KLRG1: variants seen among roughly 807,000 people sequenced by gnomAD.
KLRG1 encodes killer cell lectin-like receptor subfamily G member 1.
KLRG1 carries 16 observed loss-of-function variants against 21.8 expected under a neutral mutation model. The ratio of observed to expected loss-of-function variants is 0.73; its 90% CI spans 0.50 to 1.11. The LOEUF is 1.11. Among genes scored for constraint, KLRG1 ranks in the 50% most tolerant of loss-of-function variants. The probability of loss-of-function intolerance (pLI) is 0.00; values close to 1 mark genes in which losing one functional copy is unlikely to be tolerated. For synonymous variants in KLRG1, 69 were observed against 75.9 expected (o/e 0.91, Z 0.47); for missense variants, 173 against 218.3 (o/e 0.79, Z 1.31).
chr12:9,189,586 G>T, the KLRG1 span, among the ~76,000 whole-genome samples: 1 of 152,146 alleles, frequency 6.6e-6, no homozygotes, highest in Non-Finnish European at 1.5e-5. Flanking sequence ...GAACTGCAAA[G>T]ATTTCATGAA....
chr12:9,080,784 T>C, the KLRG1 span, among the ~76,000 whole-genome samples: 1 of 152,186 alleles, frequency 6.6e-6, no homozygotes, highest in Non-Finnish European at 1.5e-5. Context: ...TTAATCTTGG[T>C]AAATTATATG....
At chr12:9,065,870 T>A in the KLRG1 span, 2 of 152,260 alleles carry the variant, frequency 1.3e-5, no homozygotes, top group Non-Finnish European at 2.9e-5. Context: ...ATGGATGACC[T>A]ACCTGTGGAG....
the KLRG1 span, among the ~76,000 whole-genome samples, chr12:9,132,484 TC>T: frequency 6.6e-6 from 1 of 152,214 alleles, no homozygotes; most frequent in Admixed American, 6.5e-5. Context: ...GAATCTGGTT[TC>T]CATTCTGCAG....
the KLRG1 span, chr12:9,168,767 G>C: frequency 1.2e-6 from 1 of 829,020 alleles, no homozygotes; most frequent in African/African-American, 1.7e-5. Flanking sequence ...GTTTCTTTGT[G>C]TGTATAAAGT....
At chr12:9,191,581 G>C in the KLRG1 span, among the ~76,000 whole-genome samples, 2 of 152,074 alleles carry the variant, frequency 1.3e-5, no homozygotes, top group African/African-American at 4.8e-5. Flanking sequence ...AATCCTAATG[G>C]TTATTAAGTT....
At chr12:9,157,988 C>T in the KLRG1 span, 1 of 746,520 alleles carries the variant, frequency 1.3e-6, no homozygotes, top group South Asian at 1.7e-5. Flanking sequence ...GGTTCTTGCT[C>T]TGTAGCTCAG....
the KLRG1 span, chr12:9,208,237 A>C: frequency 3.8e-6 from 6 of 1,592,200 alleles, no homozygotes; most frequent in Non-Finnish European, 5.2e-6. Context: ...CTCTGGAGGA[A>C]GGGGTCTTGA....
chr12:9,065,151 T>TCCCCCCCCCCCCCCCCCCCCCCC, the KLRG1 span: 1 of 52,630 alleles, frequency 1.9e-5, no homozygotes, highest in African/African-American at 9.0e-5. Flanking sequence ...ATTCCCTTCC[T>TCCCCCCCCCCCCCCCCCCCCCCC]CCCCCCCCCC....
chr12:9,172,472 C>A, the KLRG1 span, among the ~76,000 whole-genome samples: 11 of 152,262 alleles, frequency 7.2e-5, no homozygotes, highest in South Asian at 6.2e-4. Flanking sequence ...GGATCTAATT[C>A]ACCCATAAAA....
chr12:9,159,836 T>C, the KLRG1 span: 1 of 1,007,166 alleles, frequency 9.9e-7, no homozygotes, highest in Non-Finnish European at 1.5e-6. Context: ...TTACCTAGTT[T>C]CAGGTATTCT....
At chr12:9,082,209 G>A in the KLRG1 span, among the ~76,000 whole-genome samples, 1 of 152,172 alleles carries the variant, frequency 6.6e-6, no homozygotes, top group African/African-American at 2.4e-5. Flanking sequence ...CATCTAAGAA[G>A]TATAGTATTT....
rs141352817 is a variant in KLRG1, at chr12:8,953,505, G to A, written c.-156+3269G>A. On this transcript the variant is annotated intron_variant, in intron 1 of 4. Coordinates refer to the KLRG1 transcript ENST00000539240. The stretch of plus-strand genomic sequence containing the variant: ...AAATGGGAAGACAGGTTTTTAATCC[G>A]GTCCATGGATTTGACTTGTAGCTTG... Among the ~76,000 whole-genome samples, 41 of 152,280 alleles carry A rather than the reference G, an allele frequency of 2.7e-4. 1 individual carries two copies. Among genetic ancestry groups the A allele is most frequent in the African/African-American group, 9.6e-4 (40 of 41,558 alleles).
the KLRG1 span, among the ~76,000 whole-genome samples, chr12:9,159,286 T>G: frequency 6.6e-6 from 1 of 152,188 alleles, no homozygotes; most frequent in Non-Finnish European, 1.5e-5. Flanking sequence ...GTTCTCAATT[T>G]TGCCACTTAT....
At chr12:9,112,570 A>G in the KLRG1 span, 14 of 1,611,464 alleles carry the variant, frequency 8.7e-6, no homozygotes, top group Non-Finnish European at 5.9e-6. Context: ...AACCCCATTC[A>G]GCACCCGCAG....
intron 3 of KLRG1, among the ~76,000 whole-genome samples, chr12:9,005,212 G>A (rs1947435229): frequency 6.6e-6 from 1 of 152,006 alleles, no homozygotes; most frequent in Admixed American, 6.6e-5. Flanking sequence ...GGGGGGTGGG[G>A]GGCAAGGGGA....
At chr12:9,172,986 A>T in the KLRG1 span, among the ~76,000 whole-genome samples, 21 of 152,366 alleles carry the variant, frequency 1.4e-4, no homozygotes, top group South Asian at 4.3e-3. Context: ...CCTGATTGAT[A>T]TCTACAGAAC....
At chr12:9,025,991 G>T in the KLRG1 span, among the ~76,000 whole-genome samples, 1 of 152,196 alleles carries the variant, frequency 6.6e-6, no homozygotes, top group African/African-American at 2.4e-5. Context: ...ACACGACATT[G>T]CTGGGCAGCC....
the KLRG1 span, among the ~76,000 whole-genome samples, chr12:9,129,869 T>G: frequency 2.0e-5 from 3 of 152,192 alleles, no homozygotes; most frequent in African/African-American, 4.8e-5. Context: ...AATGTACAGT[T>G]TAGTAGTGTA....
At chr12:9,131,530 G>C in the KLRG1 span, among the ~76,000 whole-genome samples, 87 of 152,068 alleles carry the variant, frequency 5.7e-4, no homozygotes, top group African/African-American at 2.0e-3. Context: ...GGTATAGTCT[G>C]TAAGGTAAGT....
Sources: allele counts gnomAD v4.1 joint callset (sites outside exome capture counted in the v4.1 genomes callset), GRCh38; gene constraint gnomAD v4.1.1; transcripts MANE v1.5; gene names NCBI Gene and HGNC (gene_info 2026-07-23, HGNC 2026-07-21).